PLXDC2: variants seen among roughly 807,000 people sequenced by gnomAD.
PLXDC2 encodes plexin domain-containing protein 2.
PLXDC2 carries 40 observed loss-of-function variants against 68.9 expected under a neutral mutation model. That is an observed-to-expected ratio of 0.58 (90% CI 0.45 to 0.76). The LOEUF (loss-of-function observed/expected upper bound fraction) is 0.76, where lower values mean the gene tolerates loss of function less well. Among genes scored for constraint, PLXDC2 ranks in the 30% least tolerant of loss-of-function variants. The pLI is 0.00. For missense variants in PLXDC2, 644 were observed against 661.9 expected, an observed-to-expected ratio of 0.97 and a Z score of 0.30; for synonymous variants, 243 against 234.2, an observed-to-expected ratio of 1.04 and a Z score of -0.34.
At chr10:19,896,740 A>C (rs1838064285) in intron 1 of PLXDC2, among the ~76,000 whole-genome samples, 1 of 152,146 alleles carries the variant, frequency 6.6e-6, no homozygotes, top group East Asian at 1.9e-4. Flanking sequence ...ATTACAGTAA[A>C]ATAAAATGGC....
chr10:19,844,664 T>C (rs1378906899), intron 1 of PLXDC2, among the ~76,000 whole-genome samples: 1 of 151,990 alleles, frequency 6.6e-6, no homozygotes, highest in African/African-American at 2.4e-5. Flanking sequence ...GGTGTGACCA[T>C]GTCTCACTGC....
At chr10:20,148,016 C>A in intron 6 of PLXDC2, 114 bp downstream of exon 6, 1 of 744,922 alleles carries the variant, frequency 1.3e-6, no homozygotes, top group Non-Finnish European at 2.3e-6. Flanking sequence ...CATTTTCTTG[C>A]CTCTTGGTTT....
intron 10 of PLXDC2, among the ~76,000 whole-genome samples, chr10:20,213,788 T>C (rs1275776102): frequency 6.6e-6 from 1 of 152,028 alleles, no homozygotes; most frequent in Non-Finnish European, 1.5e-5. Flanking sequence ...TCAAGAAAAA[T>C]GTGTGTTTTC....
At chr10:20,144,962 T>C (rs1438225623) in intron 5 of PLXDC2, among the ~76,000 whole-genome samples, 2 of 152,232 alleles carry the variant, frequency 1.3e-5, no homozygotes, top group Non-Finnish European at 2.9e-5. Context: ...ATTTGAATGA[T>C]TTTTAAAAAT....
At chr10:19,935,049 G>T (rs540105163) in intron 1 of PLXDC2, among the ~76,000 whole-genome samples, 1 of 152,154 alleles carries the variant, frequency 6.6e-6, no homozygotes, top group Admixed American at 6.5e-5. Flanking sequence ...TGAAAATTTC[G>T]TAGAAGAGTC....
Position 20,210,265 on chromosome 10 carries a change from A to G in PLXDC2, c.1062-1404A>G, listed in dbSNP as rs532787930. On this transcript the variant is annotated intron_variant, in intron 9 of 13. Transcript: ENST00000377252. ...TTAACAACTAGTAATGAAATACAAC[A>G]ATTATAAGAATATAGTATAATAAAA... is the stretch of plus-strand genomic sequence containing the variant. Among the ~76,000 whole-genome samples the G allele has an allele frequency of 3.9e-5, 6 of 152,274 alleles. No homozygotes were observed. The East Asian group carries it at 1.2e-3, about 29-fold the overall frequency.
At chr10:19,914,947 A>G (rs749249345) in intron 1 of PLXDC2, among the ~76,000 whole-genome samples, 34 of 152,272 alleles carry the variant, frequency 2.2e-4, no homozygotes, top group Non-Finnish European at 3.8e-4. Context: ...TAGCCTCTCT[A>G]GATTTCTTTT....
intron 1 of PLXDC2, among the ~76,000 whole-genome samples, chr10:19,846,260 A>C (rs1837008672): frequency 6.6e-6 from 1 of 152,184 alleles, no homozygotes; most frequent in Admixed American, 6.5e-5. Context: ...GGGGAGGAGA[A>C]GGAGGATAAA....
chr10:20,013,410 T>G (rs1564656708), intron 2 of PLXDC2, among the ~76,000 whole-genome samples: 1 of 152,202 alleles, frequency 6.6e-6, no homozygotes, highest in Non-Finnish European at 1.5e-5. Context: ...GACAGGATTT[T>G]TTACCTAAAA....
intron 2 of PLXDC2, among the ~76,000 whole-genome samples, chr10:20,035,084 C>T (rs1835556971): frequency 6.6e-6 from 1 of 152,162 alleles, no homozygotes; most frequent in Admixed American, 6.5e-5. Context: ...GTAGACATAA[C>T]TCAAGTGTGA....
chr10:19,983,906 T>C (rs1430228566), intron 1 of PLXDC2, among the ~76,000 whole-genome samples: 1 of 152,142 alleles, frequency 6.6e-6, no homozygotes, highest in Non-Finnish European at 1.5e-5. Flanking sequence ...TTTTCCTTAG[T>C]ACCTGGCCTG....
At chr10:19,969,726 T>C (rs1442005967) in intron 1 of PLXDC2, among the ~76,000 whole-genome samples, 4 of 152,244 alleles carry the variant, frequency 2.6e-5, no homozygotes, top group Non-Finnish European at 2.9e-5. Context: ...ATTCTGACTA[T>C]ACTCAGTAAT....
intron 1 of PLXDC2, among the ~76,000 whole-genome samples, chr10:19,820,449 G>A (rs1412024215): frequency 6.6e-6 from 1 of 151,286 alleles, no homozygotes; most frequent in Non-Finnish European, 1.5e-5. Flanking sequence ...GGCTAACAAG[G>A]TGAGACCCCG....
At chr10:19,938,104 C>A (rs1177791782) in intron 1 of PLXDC2, among the ~76,000 whole-genome samples, 1 of 152,084 alleles carries the variant, frequency 6.6e-6, no homozygotes, top group Non-Finnish European at 1.5e-5. Flanking sequence ...TCCATAGGCA[C>A]AAGATTGTAT....
At chr10:20,035,507 G>A (rs766402373) in intron 2 of PLXDC2, among the ~76,000 whole-genome samples, 1 of 151,976 alleles carries the variant, frequency 6.6e-6, no homozygotes, top group Non-Finnish European at 1.5e-5. Context: ...GACCAGCCTG[G>A]CTAACATGGT....
intron 4 of PLXDC2, among the ~76,000 whole-genome samples, chr10:20,103,330 C>T (rs1432218346): frequency 6.6e-6 from 1 of 152,040 alleles, no homozygotes; most frequent in East Asian, 1.9e-4. Flanking sequence ...AGATCAGGCC[C>T]ACAAAGGACT....
intron 1 of PLXDC2, among the ~76,000 whole-genome samples, chr10:19,960,507 G>C (rs1834139383): frequency 6.6e-6 from 1 of 152,156 alleles, no homozygotes; most frequent in South Asian, 2.1e-4. Flanking sequence ...GGGGCCTCTT[G>C]ATTTTGCTAG....
intron 9 of PLXDC2, among the ~76,000 whole-genome samples, chr10:20,178,300 T>G (rs1834556386): frequency 6.6e-6 from 1 of 152,170 alleles, no homozygotes; most frequent in South Asian, 2.1e-4. Context: ...TTTCAGTTGC[T>G]AGAGCTTTTC....
At chr10:19,821,012 G>C (rs921522256) in intron 1 of PLXDC2, among the ~76,000 whole-genome samples, 4 of 152,106 alleles carry the variant, frequency 2.6e-5, no homozygotes, top group African/African-American at 9.7e-5. Flanking sequence ...CCCAGGAGGC[G>C]GAGATAGCAG....
Sources: allele counts gnomAD v4.1 joint callset (sites outside exome capture counted in the v4.1 genomes callset), GRCh38; gene constraint gnomAD v4.1.1; transcripts MANE v1.5; gene names NCBI Gene and HGNC (gene_info 2026-07-23, HGNC 2026-07-21).